The following DOCK5 variants were observed in gnomAD, a reference collection of about 807,000 sequenced individuals.
The protein encoded by DOCK5 is dedicator of cytokinesis 5.
DOCK5 carries 142 observed loss-of-function variants against 251.8 expected under a neutral mutation model. The ratio of observed to expected loss-of-function variants is 0.56; its 90% CI spans 0.49 to 0.65. The LOEUF (loss-of-function observed/expected upper bound fraction) is 0.65, where lower values mean the gene tolerates loss of function less well. Among genes scored for constraint, DOCK5 ranks in the 30% least tolerant of loss-of-function variants. The probability of loss-of-function intolerance (pLI) is 0.00; values close to 1 mark genes in which losing one functional copy is unlikely to be tolerated. For missense variants in DOCK5, 2,111 were observed against 2,312.3 expected (o/e 0.91, Z 1.79); for synonymous variants, 842 against 835.5 (o/e 1.01, Z -0.13).
At chr8:25,185,419 T>C (rs912979041) in intron 1 of DOCK5, among the ~76,000 whole-genome samples, 3 of 151,918 alleles carry the variant, frequency 2.0e-5, no homozygotes, top group Admixed American at 2.0e-4. Context: ...GCCCCTTAAG[T>C]GAGGAGTTGA....
intron 23 of DOCK5, among the ~76,000 whole-genome samples, chr8:25,341,265 C>G (rs1287261279): frequency 6.6e-6 from 1 of 152,186 alleles, no homozygotes; most frequent in East Asian, 1.9e-4. Flanking sequence ...ATGATTTCAG[C>G]AAACTGATCC....
At chr8:25,189,099 A>G (rs1801513254) in intron 1 of DOCK5, among the ~76,000 whole-genome samples, 1 of 139,600 alleles carries the variant, frequency 7.2e-6, no homozygotes. Context: ...CCCAGACTAG[A>G]GTACAGTATG....
chr8:25,231,915 C>T (rs1802678293), intron 1 of DOCK5, among the ~76,000 whole-genome samples: 1 of 151,922 alleles, frequency 6.6e-6, no homozygotes, highest in South Asian at 2.1e-4. Flanking sequence ...TTAAGATGAT[C>T]ATATTTTTTT....
chr8:25,366,990 TA>T lies in DOCK5; in HGVS notation c.3224+22del. The T allele has an allele frequency of 6.3e-7, 1 of 1,598,324 alleles. No individual in the cohort carries two copies. Among genetic ancestry groups the T allele is most frequent in the African/African-American group, 1.3e-5 (1 of 74,724 alleles). On this transcript the variant is annotated intron_variant, in intron 31 of 51. Coordinates refer to ENST00000276440, the MANE Select transcript of DOCK5 (RefSeq NM_024940.8). ...TAAAAAGTAAGTGTCCTTTTAAAGT[TA>T]AGATCGGGAAGGGGCTTCTTCCATT...
At chr8:25,191,547 A>T (rs1269943739) in intron 1 of DOCK5, among the ~76,000 whole-genome samples, 5 of 152,182 alleles carry the variant, frequency 3.3e-5, no homozygotes, top group South Asian at 2.1e-4. Context: ...TGTCACCCAC[A>T]TAGAAGCTCT....
chr8:25,392,917 T>C (rs778977709), intron 44 of DOCK5, 35 bp downstream of exon 44: 2 of 1,526,988 alleles, frequency 1.3e-6, no homozygotes, highest in South Asian at 2.4e-5. Context: ...AGAAAAAAAC[T>C]TTCTGTTTCC....
rs998964042 is a variant in DOCK5 at position 25,325,612 on chromosome 8, A to G, written c.1903+65A>G. The G allele has an allele frequency of 1.9e-6, 3 of 1,577,160 alleles. No homozygotes were observed. In the African/African-American group the frequency reaches 4.1e-5, roughly 21 times the overall value. On this transcript the variant is annotated intron_variant, in intron 18 of 51. Coordinates refer to ENST00000276440, the MANE Select transcript of DOCK5 (RefSeq NM_024940.8). ...CTCAGCCTTTCTGGGCTCCTTGGTT[A>G]GGCTCACAGGGCTGGACTATATGGG...
rs1805414258 is a variant in DOCK5 at position 25,321,104 on chromosome 8, G to A, written c.1615+52G>A. The A allele has an allele frequency of 8.0e-6, 12 of 1,502,518 alleles. No homozygotes were observed. The South Asian group carries it at 1.3e-4, about 16-fold the overall frequency. The allele number at this position is 1,502,518 out of a possible 1,614,324, so 93.1% of individuals were successfully genotyped here. A position where few individuals can be genotyped will look rare whatever the true frequency, so the allele number is the denominator to read the frequency against. On this transcript the variant is annotated intron_variant, in intron 16 of 51. Coordinates refer to ENST00000276440, the MANE Select transcript of DOCK5 (RefSeq NM_024940.8). ...TTTCCACTTAAAAAAAATTTGCTCT[G>A]GCTTGACAGCCATCTTGTGAAGCTG...
intron 27 of DOCK5, among the ~76,000 whole-genome samples, chr8:25,357,641 G>A (rs1264198943): frequency 6.6e-6 from 1 of 152,106 alleles, no homozygotes; most frequent in African/African-American, 2.4e-5. Flanking sequence ...GCCTCCCAAA[G>A]TGCTGGGATT....
chr8:25,369,235 G>T lies in DOCK5; in HGVS notation c.3439-321G>T, dbSNP rs559585571. The stretch of plus-strand genomic sequence containing the variant: ...TCTGCAAAAGCAATCTCACTGCAGA[G>T]ACTTAGACATGAAACTGAAGTAAAA... On this transcript the variant is annotated intron_variant, in intron 33 of 51. Coordinates refer to ENST00000276440, the MANE Select transcript of DOCK5 (RefSeq NM_024940.8). 3.9e-5 allele frequency among the ~76,000 whole-genome samples: 6 copies of T among 152,316 alleles called. No homozygotes were observed. In the South Asian group the frequency reaches 8.3e-4, roughly 21 times the overall value.
At chr8:25,309,044 G>C in intron 12 of DOCK5, 119 bp downstream of exon 12, 2 of 1,380,942 alleles carry the variant, frequency 1.4e-6, no homozygotes, top group Non-Finnish European at 9.6e-7. Flanking sequence ...CTCTGCTGGG[G>C]ACCATCCCCC....
chr8:25,249,855 G>A (rs553004376), intron 2 of DOCK5, among the ~76,000 whole-genome samples: 1 of 152,370 alleles, frequency 6.6e-6, no homozygotes, highest in African/African-American at 2.4e-5. Context: ...CAAGGGCCAA[G>A]TGTCCCAGTG....
chr8:25,410,477 G>T (rs76869527), intron 51 of DOCK5, among the ~76,000 whole-genome samples: 2 of 151,702 alleles, frequency 1.3e-5, no homozygotes, highest in African/African-American at 4.8e-5. Flanking sequence ...TTTTAGGGGG[G>T]CGGGGGCAGG....
chr8:25,229,042 G>A (rs2117515357), intron 1 of DOCK5, among the ~76,000 whole-genome samples: 1 of 148,764 alleles, frequency 6.7e-6, no homozygotes, highest in Non-Finnish European at 1.5e-5. Context: ...ACCAGTCTGG[G>A]CAACGTAGTA....
intron 2 of DOCK5, among the ~76,000 whole-genome samples, chr8:25,257,870 A>T (rs976355148): frequency 2.0e-5 from 3 of 152,210 alleles, no homozygotes; most frequent in African/African-American, 7.2e-5. Context: ...CCTACTGACA[A>T]AACCACATGC....
At chr8:25,278,749 T>C in intron 5 of DOCK5, 84 bp downstream of exon 5, 1 of 1,245,116 alleles carries the variant, frequency 8.0e-7, no homozygotes, top group Non-Finnish European at 1.2e-6. Flanking sequence ...TGGCCCCTTA[T>C]TGCTGACTTC....
At chr8:25,208,299 G>A (rs1229697337) in intron 1 of DOCK5, among the ~76,000 whole-genome samples, 3 of 152,186 alleles carry the variant, frequency 2.0e-5, no homozygotes, top group Non-Finnish European at 4.4e-5. Flanking sequence ...CAAAGCAGTG[G>A]AAAGGTTTGA....
At chr8:25,241,919 C>T (rs182736113) in intron 1 of DOCK5, among the ~76,000 whole-genome samples, 1 of 151,796 alleles carries the variant, frequency 6.6e-6, no homozygotes, top group Non-Finnish European at 1.5e-5. Context: ...AACCAAACAC[C>T]ACATGTTCTC....
intron 5 of DOCK5, among the ~76,000 whole-genome samples, chr8:25,287,413 G>A (rs868496426): frequency 1.3e-5 from 2 of 151,858 alleles, no homozygotes; most frequent in Non-Finnish European, 2.9e-5. Context: ...GTGACAGAGC[G>A]AGACTCCATT....
Sources: gnomAD v4.1 joint callset for allele counts (sites outside exome capture counted in the v4.1 genomes callset) on GRCh38, gnomAD v4.1.1 for gene constraint, MANE v1.5 for transcripts, NCBI Gene and HGNC (gene_info 2026-07-23, HGNC 2026-07-21) for gene names.